The following CA10 variants were observed in gnomAD, a reference collection of about 807,000 sequenced individuals.
CA10 encodes the protein carbonic anhydrase-related protein 10.
CA10 carries 14 observed loss-of-function variants against 44.2 expected under a neutral mutation model. The ratio of observed to expected loss-of-function variants is 0.32; its 90% confidence interval spans 0.21 to 0.50. CA10 has a LOEUF of 0.50. Ranked by LOEUF, CA10 falls within the 20% of genes least tolerant of loss-of-function variation. CA10 has a pLI of 0.99. For missense variants in CA10, 350 were observed against 409.7 expected, an observed-to-expected ratio of 0.85 and a Z score of 1.26; for synonymous variants, 159 against 141.6, an observed-to-expected ratio of 1.12 and a Z score of -0.87.
intron 1 of CA10, among the ~76,000 whole-genome samples, chr17:52,093,123 T>A (rs1313072708): frequency 6.6e-6 from 1 of 152,182 alleles, no homozygotes; most frequent in Non-Finnish European, 1.5e-5. Context: ...ATACTGTTCA[T>A]ATATGTATAT....
chr17:51,677,952 C>A (rs1914692122), intron 4 of CA10, among the ~76,000 whole-genome samples: 1 of 151,488 alleles, frequency 6.6e-6, no homozygotes, highest in Non-Finnish European at 1.5e-5. Context: ...CCCATGTTCA[C>A]AGCAGCACTA....
chr17:51,960,412 C>A (rs1004743678), intron 2 of CA10, among the ~76,000 whole-genome samples: 1 of 151,458 alleles, frequency 6.6e-6, no homozygotes, highest in Non-Finnish European at 1.5e-5. Flanking sequence ...CTGAGAAACA[C>A]CCCCCACCAC....
At chr17:51,922,796 T>C (rs1982285403) in intron 3 of CA10, among the ~76,000 whole-genome samples, 1 of 152,210 alleles carries the variant, frequency 6.6e-6, no homozygotes, top group Admixed American at 6.6e-5. Context: ...TTCATATCCA[T>C]GTCTGACAAT....
At chr17:52,115,392 C>T (rs189536361) in intron 1 of CA10, among the ~76,000 whole-genome samples, 97 of 152,226 alleles carry the variant, frequency 6.4e-4, no homozygotes, top group African/African-American at 2.1e-3. Flanking sequence ...GAGTAAAATA[C>T]GGACCTGAAT....
intron 1 of CA10, among the ~76,000 whole-genome samples, chr17:52,154,310 A>G (rs1989760796): frequency 6.6e-6 from 1 of 152,198 alleles, no homozygotes; most frequent in Non-Finnish European, 1.5e-5. Flanking sequence ...CTATATCTAT[A>G]AGATTATCCC....
intron 8 of CA10, among the ~76,000 whole-genome samples, chr17:51,632,194 G>A (rs1437910263): frequency 1.3e-5 from 2 of 152,136 alleles, no homozygotes; most frequent in East Asian, 3.8e-4. Context: ...TTTACTCTCT[G>A]TCCTTTATAG....
At chr17:51,828,551 G>C (rs548329898) in intron 3 of CA10, among the ~76,000 whole-genome samples, 1 of 151,766 alleles carries the variant, frequency 6.6e-6, no homozygotes, top group African/African-American at 2.4e-5. Flanking sequence ...CTGAATGAAC[G>C]AATTCCTAGG....
intron 2 of CA10, among the ~76,000 whole-genome samples, chr17:52,070,210 A>C (rs2052205400): frequency 6.6e-6 from 1 of 152,224 alleles, no homozygotes. Context: ...GAGGATGAGG[A>C]AGTCATCTTT....
intron 3 of CA10, among the ~76,000 whole-genome samples, chr17:51,863,194 T>C (rs2143844993): frequency 6.6e-6 from 1 of 152,324 alleles, no homozygotes; most frequent in South Asian, 2.1e-4. Flanking sequence ...TCCAAGTAAA[T>C]GTAGCCACTA....
chr17:51,640,853 G>A (rs917380339), intron 6 of CA10, among the ~76,000 whole-genome samples: 9 of 152,142 alleles, frequency 5.9e-5, no homozygotes, highest in Non-Finnish European at 1.0e-4. Flanking sequence ...GGGCATTATA[G>A]ACAGAAAGTA....
chr17:51,717,307 T>C (rs1916142330), intron 4 of CA10, among the ~76,000 whole-genome samples: 1 of 151,904 alleles, frequency 6.6e-6, no homozygotes, highest in African/African-American at 2.4e-5. Context: ...ATGAGATGAC[T>C]CTTGGTGGGC....
chr17:52,107,481 C>T (rs1988685319), intron 1 of CA10, among the ~76,000 whole-genome samples: 1 of 152,072 alleles, frequency 6.6e-6, no homozygotes, highest in African/African-American at 2.4e-5. Flanking sequence ...CACAAAGCTC[C>T]CCATACTTGT....
intron 3 of CA10, among the ~76,000 whole-genome samples, chr17:51,826,459 A>G (rs1348745037): frequency 6.6e-6 from 1 of 152,240 alleles, no homozygotes; most frequent in African/African-American, 2.4e-5. Context: ...CAGCAAATGA[A>G]AGATGATATG....
intron 2 of CA10, among the ~76,000 whole-genome samples, chr17:52,065,301 G>C (rs1466258296): frequency 6.6e-6 from 1 of 152,208 alleles, no homozygotes; most frequent in Non-Finnish European, 1.5e-5. Context: ...ATGTACTACA[G>C]ATTGTACTGA....
intron 3 of CA10, among the ~76,000 whole-genome samples, chr17:51,817,878 G>A (rs75234521): frequency 0.024 from 3,697 of 152,248 alleles, 182 homozygotes; most frequent in African/African-American, 0.085. Flanking sequence ...GACAAGCATA[G>A]TCAAAGAATT....
intron 4 of CA10, among the ~76,000 whole-genome samples, chr17:51,709,152 C>G (rs1206048623): frequency 6.6e-6 from 1 of 152,222 alleles, no homozygotes; most frequent in East Asian, 1.9e-4. Flanking sequence ...TCCATCTATT[C>G]ATTTACTTGC....
In CA10 at chr17:52,103,034, G is replaced by A. The variant is rs1437494670; in HGVS notation, c.62-30641C>T. Among the ~76,000 whole-genome samples the A allele has an allele frequency of 2.0e-5, 3 of 151,622 alleles. No homozygotes were observed. In the East Asian group the frequency reaches 5.8e-4, roughly 29 times the overall value. The stretch of plus-strand genomic sequence containing the variant: ...TCTCACTTCTTTTTGTTGTCCTTGG[G>A]TTTACACTTTTAGAATTGTCTCAGC... On this transcript the variant is annotated intron_variant, in intron 1 of 8. Coordinates refer to ENST00000451037, the MANE Select transcript of CA10 (RefSeq NM_020178.5).
At chr17:52,115,483 C>T (rs2143297655) in intron 1 of CA10, among the ~76,000 whole-genome samples, 1 of 152,328 alleles carries the variant, frequency 6.6e-6, no homozygotes, top group South Asian at 2.1e-4. Flanking sequence ...TGCCTTGTCA[C>T]TCTTGGGGGT....
chr17:52,051,354 A>G (rs368505796), intron 2 of CA10, among the ~76,000 whole-genome samples: 1 of 151,920 alleles, frequency 6.6e-6, no homozygotes, highest in South Asian at 2.1e-4. Flanking sequence ...TCAACAGAGA[A>G]ACCAGACAAC....
Sources: gnomAD v4.1 joint callset for allele counts (sites outside exome capture counted in the v4.1 genomes callset) on GRCh38, gnomAD v4.1.1 for gene constraint, MANE v1.5 for transcripts, NCBI Gene and HGNC (gene_info 2026-07-23, HGNC 2026-07-21) for gene names.